ACER3: variants seen among roughly 807,000 people sequenced by gnomAD.
ACER3 encodes alkCDase 3.
A neutral mutation model predicts 48.9 loss-of-function variants in ACER3; 16 were observed. That is an observed-to-expected ratio of 0.33 (90% CI 0.22 to 0.50). The LOEUF is 0.50. Ranked by LOEUF, ACER3 falls within the 20% of genes least tolerant of loss-of-function variation. ACER3 has a pLI of 0.98. For synonymous variants in ACER3, 109 were observed against 107.8 expected (o/e 1.01, Z -0.07); for missense variants, 227 against 326.0 (o/e 0.70, Z 2.34).
intron 3 of ACER3, among the ~76,000 whole-genome samples, chr11:76,971,133 C>T (rs1028858512): frequency 6.6e-6 from 1 of 152,078 alleles, no homozygotes; most frequent in African/African-American, 2.4e-5. Context: ...TTGGGTTGTT[C>T]CCACGTTTTA....
intron 2 of ACER3, among the ~76,000 whole-genome samples, chr11:76,934,130 G>A (rs915453428): frequency 1.3e-4 from 19 of 151,978 alleles, no homozygotes; most frequent in Non-Finnish European, 2.6e-4. Context: ...TAGATGGGAG[G>A]GCGGCCGGGC....
At chr11:76,869,301 G>C (rs1945181752) in intron 1 of ACER3, among the ~76,000 whole-genome samples, 2 of 152,198 alleles carry the variant, frequency 1.3e-5, no homozygotes, top group Admixed American at 1.3e-4. Flanking sequence ...TGTGAGAACA[G>C]AGGAAAAACA....
chr11:76,880,234 G>A (rs944744607), intron 1 of ACER3, among the ~76,000 whole-genome samples: 1 of 152,062 alleles, frequency 6.6e-6, no homozygotes, highest in African/African-American at 2.4e-5. Context: ...TGAGACGGAA[G>A]CTTAAAACAC....
intron 9 of ACER3, among the ~76,000 whole-genome samples, chr11:77,017,462 G>A (rs1591074341): frequency 6.6e-6 from 1 of 152,108 alleles, no homozygotes; most frequent in African/African-American, 2.4e-5. Flanking sequence ...ATTCATAAAA[G>A]AAATTAAGCA....
chr11:76,912,884 GC>G (rs916827068), intron 1 of ACER3, among the ~76,000 whole-genome samples: 1 of 152,092 alleles, frequency 6.6e-6, no homozygotes, highest in African/African-American at 2.4e-5. Context: ...TTCAGTCCTT[GC>G]CTCCTCAGAA....
intron 6 of ACER3, among the ~76,000 whole-genome samples, chr11:76,998,306 G>A (rs1948957474): frequency 6.6e-6 from 1 of 152,212 alleles, no homozygotes; most frequent in African/African-American, 2.4e-5. Context: ...GACTAGGGAT[G>A]AGAAAGAATG....
At chr11:76,993,170 C>T (rs1395877899) in intron 6 of ACER3, among the ~76,000 whole-genome samples, 1 of 152,136 alleles carries the variant, frequency 6.6e-6, no homozygotes, top group Non-Finnish European at 1.5e-5. Flanking sequence ...GCCACTGTGC[C>T]CAGCCTGAAC....
chr11:76,943,593 C>T (rs1795295161), intron 2 of ACER3, among the ~76,000 whole-genome samples: 1 of 151,886 alleles, frequency 6.6e-6, no homozygotes. Flanking sequence ...ATATCTTATA[C>T]AGTGTTCCAT....
intron 1 of ACER3, among the ~76,000 whole-genome samples, chr11:76,893,536 T>C (rs1214960456): frequency 6.6e-6 from 1 of 152,170 alleles, no homozygotes; most frequent in African/African-American, 2.4e-5. Flanking sequence ...AAATACCTCA[T>C]AGGGTGGATG....
chr11:76,997,213 C>T (rs1001248569), intron 6 of ACER3, among the ~76,000 whole-genome samples: 10 of 152,104 alleles, frequency 6.6e-5, no homozygotes, highest in African/African-American at 2.4e-4. Context: ...AAGGTAACTG[C>T]TACGTGAGCT....
intron 1 of ACER3, among the ~76,000 whole-genome samples, chr11:76,906,873 A>G (rs993943168): frequency 4.6e-5 from 7 of 152,160 alleles, no homozygotes; most frequent in Admixed American, 1.3e-4. Flanking sequence ...GACTTTATCT[A>G]CAATAGATTT....
intron 3 of ACER3, among the ~76,000 whole-genome samples, chr11:76,959,707 C>G (rs1947937121): frequency 6.6e-6 from 1 of 152,016 alleles, no homozygotes; most frequent in Admixed American, 6.6e-5. Flanking sequence ...CACCCACCAC[C>G]AAGCCCGGCT....
intron 1 of ACER3, among the ~76,000 whole-genome samples, chr11:76,913,950 A>G (rs1461129321): frequency 1.3e-5 from 2 of 152,222 alleles, no homozygotes; most frequent in Non-Finnish European, 2.9e-5. Context: ...AAATGGGGAA[A>G]GGATTCCCTA....
At chr11:76,864,574 T>C (rs1945023781) in intron 1 of ACER3, among the ~76,000 whole-genome samples, 1 of 149,294 alleles carries the variant, frequency 6.7e-6, no homozygotes. Flanking sequence ...TTTTGTCACA[T>C]AACTCATAAT....
intron 1 of ACER3, among the ~76,000 whole-genome samples, chr11:76,876,635 T>G (rs1300569660): frequency 6.6e-6 from 1 of 152,192 alleles, no homozygotes; most frequent in Non-Finnish European, 1.5e-5. Context: ...CTGCTAGACC[T>G]TTTCCCAAAG....
chr11:76,910,809 C>A lies in ACER3; in HGVS notation c.104-15748C>A, dbSNP rs553841205. On this transcript the variant is annotated intron_variant, in intron 1 of 10. Transcript: ENST00000532485. ...GCTAATAGGATTATAATTGGTCCAA[C>A]CATTCTGGAAAGTAGTTTGGTTGTA... is the stretch of plus-strand genomic sequence containing the variant. Among the ~76,000 whole-genome samples, 65 of 152,254 alleles carry A rather than the reference C, an allele frequency of 4.3e-4. 1 individual carries two copies. In the South Asian group the frequency reaches 0.014, roughly 32 times the overall value.
chr11:76,872,195 G>C (rs11600598), intron 1 of ACER3, among the ~76,000 whole-genome samples: 4,616 of 151,994 alleles, frequency 0.03, 92 homozygotes, highest in South Asian at 0.065. Context: ...TCCTGCCTCA[G>C]CCTCCCAAGT....
intron 6 of ACER3, among the ~76,000 whole-genome samples, chr11:76,993,156 G>A (rs1440058283): frequency 6.6e-6 from 1 of 152,126 alleles, no homozygotes; most frequent in African/African-American, 2.4e-5. Context: ...GGTTACAGGT[G>A]TGAGCCACTG....
intron 2 of ACER3, among the ~76,000 whole-genome samples, chr11:76,932,865 A>G (rs1947046845): frequency 6.6e-6 from 1 of 152,214 alleles, no homozygotes; most frequent in Non-Finnish European, 1.5e-5. Context: ...TAATTCTGAC[A>G]AAAGTAGCAA....
Sources: gnomAD v4.1 joint callset for allele counts (sites outside exome capture counted in the v4.1 genomes callset) on GRCh38, gnomAD v4.1.1 for gene constraint, MANE v1.5 for transcripts, NCBI Gene and HGNC (gene_info 2026-07-23, HGNC 2026-07-21) for gene names.